ST7: variants seen among roughly 807,000 people sequenced by gnomAD.
ST7 encodes the protein suppressor of tumorigenicity 7 protein.
Under a neutral mutation model 78.7 loss-of-function variants are expected in ST7, and 28 were observed. That is an observed-to-expected ratio of 0.36 (90% CI 0.26 to 0.49). ST7 has a LOEUF of 0.49. Among genes scored for constraint, ST7 ranks in the 20% least tolerant of loss-of-function variants. The pLI, the probability that ST7 is intolerant of heterozygous loss-of-function variation, is 0.99. For synonymous variants in ST7, 247 were observed against 249.6 expected (o/e 0.99, Z 0.10); for missense variants, 418 against 696.0 (o/e 0.60, Z 4.49).
chr7:117,046,764 T>A (rs972128631), intron 1 of ST7, among the ~76,000 whole-genome samples: 1 of 152,208 alleles, frequency 6.6e-6, no homozygotes, highest in Non-Finnish European at 1.5e-5. Context: ...AGGTATAATC[T>A]GATAAAAGTC....
At chr7:117,102,582 T>G (rs1016467723) in intron 2 of ST7, among the ~76,000 whole-genome samples, 6 of 152,162 alleles carry the variant, frequency 3.9e-5, no homozygotes, top group Non-Finnish European at 8.8e-5. Flanking sequence ...GTTTCTAACT[T>G]TATTAATTAA....
At chr7:116,993,057 A>C (rs1197855397) in intron 1 of ST7, among the ~76,000 whole-genome samples, 2 of 152,152 alleles carry the variant, frequency 1.3e-5, no homozygotes, top group Admixed American at 1.3e-4. Flanking sequence ...AAGCCACTCA[A>C]CAAGTCTCTG....
intron 15 of ST7, 23 bp downstream of exon 15, chr7:117,222,085 G>T (rs1411274022): frequency 1.3e-6 from 2 of 1,587,604 alleles, no homozygotes; most frequent in Admixed American, 1.8e-5. Flanking sequence ...CTAGAGGGAG[G>T]CCTTGGGGAA....
chr7:117,071,029 T>G (rs915776999), intron 1 of ST7, among the ~76,000 whole-genome samples: 1 of 151,784 alleles, frequency 6.6e-6, no homozygotes, highest in African/African-American at 2.4e-5. Flanking sequence ...ACCATCTTGG[T>G]TAACACGGTG....
At chr7:117,200,421 G>T (rs576343405) in intron 12 of ST7, among the ~76,000 whole-genome samples, 1 of 152,152 alleles carries the variant, frequency 6.6e-6, no homozygotes. Flanking sequence ...GCCAGTACCC[G>T]TTCCTTAGCA....
At chr7:117,027,076 G>A (rs760313110) in intron 1 of ST7, among the ~76,000 whole-genome samples, 3 of 152,220 alleles carry the variant, frequency 2.0e-5, no homozygotes, top group Non-Finnish European at 2.9e-5. Flanking sequence ...CACTTCATCA[G>A]TGCAAATGTT....
chr7:117,149,462 T>C (rs374027004), intron 9 of ST7, among the ~76,000 whole-genome samples: 119 of 152,266 alleles, frequency 7.8e-4, no homozygotes, highest in Middle Eastern at 6.8e-3. Context: ...CAAGTTTTCA[T>C]TGGAGAGATG....
At chr7:117,167,559 A>G (rs1049329700) in intron 9 of ST7, among the ~76,000 whole-genome samples, 1 of 152,052 alleles carries the variant, frequency 6.6e-6, no homozygotes, top group East Asian at 1.9e-4. Flanking sequence ...TCAGGAAGAC[A>G]GTTGGCAAGA....
chr7:117,144,688 T>C (rs1047102744), intron 9 of ST7, among the ~76,000 whole-genome samples: 1 of 150,564 alleles, frequency 6.6e-6, no homozygotes, highest in African/African-American at 2.5e-5. Flanking sequence ...CCTCCAGGGG[T>C]TCCCTGACCA....
At chr7:117,022,200 C>A (rs1228712763) in intron 1 of ST7, among the ~76,000 whole-genome samples, 3 of 152,054 alleles carry the variant, frequency 2.0e-5, no homozygotes, top group Non-Finnish European at 4.4e-5. Context: ...TTGCTTGTGC[C>A]CTCCATAGCT....
chr7:117,010,939 G>A (rs1478507418), intron 1 of ST7, among the ~76,000 whole-genome samples: 2 of 152,148 alleles, frequency 1.3e-5, no homozygotes, highest in African/African-American at 2.4e-5. Flanking sequence ...GGAGAGCTAT[G>A]TCTCAGCCCC....
intron 1 of ST7, among the ~76,000 whole-genome samples, chr7:116,974,309 A>G (rs1793588760): frequency 6.8e-6 from 1 of 148,078 alleles, no homozygotes; most frequent in South Asian, 2.1e-4. Context: ...TTTTTTTGAG[A>G]CAGAGCCTCA....
Position 117,122,549 on chromosome 7 carries a change from A to G in ST7, c.394+2829A>G, listed in dbSNP as rs184955269. On this transcript the variant is annotated intron_variant, in intron 3 of 15. Coordinates refer to ENST00000323984, the MANE Select transcript of ST7 (RefSeq NM_001369598.1). ...TCATTTAATATTAACATCTACTAGT[A>G]TTTACTGAGTGCCTACTATGCATTC... 1.4e-4 allele frequency among the ~76,000 whole-genome samples: 21 copies of G among 152,334 alleles called. No individual in the cohort carries two copies. The East Asian group carries it at 3.9e-3, about 28-fold the overall frequency.
At chr7:117,191,334 C>G (rs1809756528) in intron 12 of ST7, among the ~76,000 whole-genome samples, 3 of 152,086 alleles carry the variant, frequency 2.0e-5, no homozygotes, top group Admixed American at 2.0e-4. Context: ...ATGTGGCATT[C>G]CGTGTCTCTA....
intron 2 of ST7, among the ~76,000 whole-genome samples, chr7:117,105,559 G>T (rs767903181): frequency 9.2e-5 from 14 of 152,220 alleles, no homozygotes; most frequent in Non-Finnish European, 1.8e-4. Context: ...TGGGATTACA[G>T]GCGTGAGCCA....
chr7:117,124,656 G>T (rs1056945633), intron 3 of ST7, among the ~76,000 whole-genome samples: 1 of 152,152 alleles, frequency 6.6e-6, no homozygotes, highest in African/African-American at 2.4e-5. Flanking sequence ...GGGCTCTGGG[G>T]TCAGACAGAT....
At chr7:116,956,122 T>G (rs1792463198) in intron 1 of ST7, among the ~76,000 whole-genome samples, 1 of 152,084 alleles carries the variant, frequency 6.6e-6, no homozygotes, top group African/African-American at 2.4e-5. Context: ...CAGTTTAGGT[T>G]TTTCAAAAAA....
intron 1 of ST7, among the ~76,000 whole-genome samples, chr7:117,031,870 CTA>C (rs1201393193): frequency 1.5e-5 from 1 of 65,032 alleles, no homozygotes; most frequent in Non-Finnish European, 2.8e-5. Flanking sequence ...ATCTATCTAT[CTA>C]TATATATATA....
intron 9 of ST7, among the ~76,000 whole-genome samples, chr7:117,162,075 A>G (rs1243518601): frequency 6.6e-6 from 1 of 152,152 alleles, no homozygotes; most frequent in Non-Finnish European, 1.5e-5. Context: ...TCTCAGCCTT[A>G]TGTGTTCATC....
Sources: allele counts gnomAD v4.1 joint callset (sites outside exome capture counted in the v4.1 genomes callset), GRCh38; gene constraint gnomAD v4.1.1; transcripts MANE v1.5; gene names NCBI Gene and HGNC (gene_info 2026-07-23, HGNC 2026-07-21).